The following GNAI1 variants were observed in gnomAD, a reference collection of about 807,000 sequenced individuals.
GNAI1 encodes guanine nucleotide-binding protein G(i) subunit alpha-1.
A neutral mutation model predicts 38.9 loss-of-function variants in GNAI1; 11 were observed. That is an observed-to-expected ratio of 0.28 (90% confidence interval 0.18 to 0.47). The LOEUF is 0.47. Ranked by LOEUF, GNAI1 falls within the 20% of genes least tolerant of loss-of-function variation. The pLI, the probability that GNAI1 is intolerant of heterozygous loss-of-function variation, is 0.99. For missense variants in GNAI1, 317 were observed against 436.9 expected (o/e 0.73, Z 2.45); for synonymous variants, 166 against 145.1 (o/e 1.14, Z -1.04).
chr7:80,161,527 T>C (rs1204574625), intron 1 of GNAI1, among the ~76,000 whole-genome samples: 1 of 152,206 alleles, frequency 6.6e-6, no homozygotes. Context: ...TTCCACTCAA[T>C]TATGTTTGTG....
intron 1 of GNAI1, among the ~76,000 whole-genome samples, chr7:80,148,909 T>A (rs935094470): frequency 1.3e-5 from 2 of 152,144 alleles, no homozygotes; most frequent in African/African-American, 4.8e-5. Flanking sequence ...AGGTGTTCAG[T>A]CTTGAGACTG....
intron 1 of GNAI1, among the ~76,000 whole-genome samples, chr7:80,161,649 A>T (rs1434962353): frequency 6.6e-6 from 1 of 152,170 alleles, no homozygotes; most frequent in East Asian, 1.9e-4. Context: ...ATTAAATTTA[A>T]ATGTGTGTTA....
intron 1 of GNAI1, among the ~76,000 whole-genome samples, chr7:80,143,007 A>G (rs1483881435): frequency 2.0e-5 from 3 of 152,180 alleles, no homozygotes; most frequent in Non-Finnish European, 4.4e-5. Flanking sequence ...ACTCACAACT[A>G]TATATTTCAC....
At chr7:80,136,066 T>C (rs1301971957) in intron 1 of GNAI1, 1 of 984,242 alleles carries the variant, frequency 1.0e-6, no homozygotes, top group Non-Finnish European at 1.2e-6. Flanking sequence ...TGAATGAGAT[T>C]TGCCAGGTAC....
chr7:80,172,560 A>G (rs959977446), intron 1 of GNAI1, among the ~76,000 whole-genome samples: 37 of 152,182 alleles, frequency 2.4e-4, no homozygotes, highest in African/African-American at 8.4e-4. Flanking sequence ...TTTTTCTTGA[A>G]GTATTGTTCA....
intron 1 of GNAI1, among the ~76,000 whole-genome samples, chr7:80,142,316 A>C (rs1355971786): frequency 6.6e-6 from 1 of 152,220 alleles, no homozygotes; most frequent in Non-Finnish European, 1.5e-5. Context: ...TGTGACTATC[A>C]TGGTAACACT....
intron 1 of GNAI1, among the ~76,000 whole-genome samples, chr7:80,162,823 G>A (rs1283126205): frequency 1.3e-5 from 2 of 152,194 alleles, no homozygotes; most frequent in Admixed American, 6.5e-5. Flanking sequence ...CCTGTGGGAA[G>A]AGATTTAAGA....
Position 80,219,391 on chromosome 7 carries a change from T to A in GNAI1, c.*1898T>A, listed in dbSNP as rs1789033661. 2 of 152,640 alleles carry A rather than the reference T, an allele frequency of 1.3e-5. No homozygotes were observed. Among genetic ancestry groups the A allele is most frequent in the Admixed American group, 1.3e-4 (2 of 15,282 alleles). The allele number at this position is 152,640 out of a possible 1,614,324, so 9.5% of individuals were successfully genotyped here. ...GTTAATAAATCCTAATAAATTTAAA[T>A]TTTTAAAATTTTACAAACCTATTGG... On this transcript the variant is annotated 3_prime_UTR_variant, in exon 8 of 8. Coordinates refer to ENST00000649796, the MANE Select transcript of GNAI1 (RefSeq NM_002069.6).
chr7:80,152,601 C>T (rs1787747896), intron 1 of GNAI1, among the ~76,000 whole-genome samples: 2 of 139,094 alleles, frequency 1.4e-5, no homozygotes, highest in African/African-American at 5.5e-5. Flanking sequence ...CTTGCTCTTG[C>T]CCACGCTGGA....
chr7:80,211,819 G>A (rs1307792642), intron 6 of GNAI1, among the ~76,000 whole-genome samples: 1 of 152,172 alleles, frequency 6.6e-6, no homozygotes, highest in East Asian at 1.9e-4. Flanking sequence ...AAATAGAAAT[G>A]TAAAACTTTG....
chr7:80,181,081 C>T (rs1443626993), intron 1 of GNAI1, among the ~76,000 whole-genome samples: 1 of 151,874 alleles, frequency 6.6e-6, no homozygotes, highest in Non-Finnish European at 1.5e-5. Context: ...ATCACTGTAT[C>T]TTAAGTGATT....
chr7:80,189,725 A>G (rs975089759), intron 3 of GNAI1, among the ~76,000 whole-genome samples: 2 of 152,222 alleles, frequency 1.3e-5, no homozygotes, highest in Non-Finnish European at 2.9e-5. Flanking sequence ...CCATGTATCA[A>G]AATTTGAGAG....
At chr7:80,162,618 C>T (rs1274163573) in intron 1 of GNAI1, among the ~76,000 whole-genome samples, 2 of 152,178 alleles carry the variant, frequency 1.3e-5, no homozygotes, top group African/African-American at 4.8e-5. Context: ...TGGAGCTTAA[C>T]ATTTCAGTAC....
chr7:80,213,709 T>C (rs1322631528), intron 7 of GNAI1, among the ~76,000 whole-genome samples: 3 of 152,110 alleles, frequency 2.0e-5, no homozygotes, highest in African/African-American at 7.2e-5. Flanking sequence ...ATGTATTGAG[T>C]AAAGTTTTAC....
intron 1 of GNAI1, among the ~76,000 whole-genome samples, chr7:80,140,859 C>T (rs1787513535): frequency 6.6e-6 from 1 of 152,142 alleles, no homozygotes; most frequent in Non-Finnish European, 1.5e-5. Flanking sequence ...GTTGATAGGG[C>T]TTCTTTTCTT....
At chr7:80,204,366 C>T (rs1046471789) in intron 5 of GNAI1, among the ~76,000 whole-genome samples, 33 of 151,980 alleles carry the variant, frequency 2.2e-4, no homozygotes, top group Admixed American at 7.2e-4. Flanking sequence ...TTACTGAGGT[C>T]GGAGCAGAAA....
At chr7:80,177,638 T>C (rs1241123081) in intron 1 of GNAI1, among the ~76,000 whole-genome samples, 1 of 152,132 alleles carries the variant, frequency 6.6e-6, no homozygotes, top group African/African-American at 2.4e-5. Context: ...GCCTGGCCAG[T>C]GTTTTTTATT....
chr7:80,186,648 T>C (rs1054142222), intron 1 of GNAI1, among the ~76,000 whole-genome samples: 4 of 152,160 alleles, frequency 2.6e-5, no homozygotes, highest in Non-Finnish European at 5.9e-5. Flanking sequence ...TTCAGTTGTT[T>C]CACTAACAAA....
chr7:80,205,228 A>G (rs1026406891), intron 5 of GNAI1, among the ~76,000 whole-genome samples: 1 of 152,208 alleles, frequency 6.6e-6, no homozygotes. Context: ...ATTCCTGGAA[A>G]TGAAAATAAT....
Sources: allele counts gnomAD v4.1 joint callset (sites outside exome capture counted in the v4.1 genomes callset), GRCh38; gene constraint gnomAD v4.1.1; transcripts MANE v1.5; gene names NCBI Gene and HGNC (gene_info 2026-07-23, HGNC 2026-07-21).